Variants in DLG2 observed in about 807,000 individuals in gnomAD.
DLG2 encodes the protein discs large MAGUK scaffold protein 2.
DLG2 carries 45 observed loss-of-function variants against 132.5 expected under a neutral mutation model. The ratio of observed to expected loss-of-function variants is 0.34; its 90% CI spans 0.27 to 0.44. The LOEUF (loss-of-function observed/expected upper bound fraction) is 0.44, where lower values mean the gene tolerates loss of function less well. Among genes scored for constraint, DLG2 ranks in the 20% least tolerant of loss-of-function variants. The probability of loss-of-function intolerance (pLI) is 1.00; values close to 1 mark genes in which losing one functional copy is unlikely to be tolerated. For synonymous variants in DLG2, 424 were observed against 419.6 expected (o/e 1.01, Z -0.13); for missense variants, 1,045 against 1,196.9 (o/e 0.87, Z 1.87).
chr11:84,880,863 A>T (rs1312043181), intron 6 of DLG2, among the ~76,000 whole-genome samples: 1 of 152,144 alleles, frequency 6.6e-6, no homozygotes, highest in African/African-American at 2.4e-5. Flanking sequence ...ACTGTGAAAT[A>T]ATTAATTAAG....
At chr11:83,651,408 G>A (rs2070369868) in intron 18 of DLG2, among the ~76,000 whole-genome samples, 1 of 152,116 alleles carries the variant, frequency 6.6e-6, no homozygotes, top group Non-Finnish European at 1.5e-5. Flanking sequence ...GTCTAGCTTG[G>A]GTGACAGGGT....
At chr11:85,183,526 C>T (rs2079874697) in intron 4 of DLG2, among the ~76,000 whole-genome samples, 1 of 151,876 alleles carries the variant, frequency 6.6e-6, no homozygotes, top group Non-Finnish European at 1.5e-5. Flanking sequence ...GAAATGACAA[C>T]AAAACCATTG....
At chr11:84,557,789 G>A (rs1042623117) in intron 6 of DLG2, among the ~76,000 whole-genome samples, 1 of 151,838 alleles carries the variant, frequency 6.6e-6, no homozygotes, top group Non-Finnish European at 1.5e-5. Context: ...ACTCTTGTTA[G>A]AACATATATA....
At chr11:85,034,377 G>A (rs2061283427) in intron 6 of DLG2, among the ~76,000 whole-genome samples, 1 of 152,094 alleles carries the variant, frequency 6.6e-6, no homozygotes, top group African/African-American at 2.4e-5. Flanking sequence ...ATCTGGCCTA[G>A]ATGTTCTTGG....
intron 6 of DLG2, among the ~76,000 whole-genome samples, chr11:84,872,712 A>G (rs1369711304): frequency 6.6e-6 from 1 of 152,250 alleles, no homozygotes; most frequent in Non-Finnish European, 1.5e-5. Flanking sequence ...AAGGAAAACC[A>G]TAGTCTCACA....
intron 6 of DLG2, among the ~76,000 whole-genome samples, chr11:84,979,406 C>A (rs1294019176): frequency 2.6e-5 from 4 of 152,134 alleles, no homozygotes; most frequent in Non-Finnish European, 5.9e-5. Flanking sequence ...TGGAACCAAC[C>A]CAAATGTCCA....
chr11:84,053,224 C>T lies in DLG2; in HGVS notation c.919+6091G>A, dbSNP rs182030975. Among the ~76,000 whole-genome samples the T allele has an allele frequency of 9.2e-5, 14 of 151,964 alleles. No homozygotes were observed. In the East Asian group the frequency reaches 1.8e-3, roughly 19 times the overall value. ...GTGGCAGCTGAGCAATGAGAATACACGGACACATGGAAGGAAACAACACAC... is the reference window on the plus strand; with the variant it reads ...GTGGCAGCTGAGCAATGAGAATACATGGACACATGGAAGGAAACAACACAC... On this transcript the variant is annotated intron_variant, in intron 11 of 27. Transcript: ENST00000376104.
At chr11:84,395,485 C>T (rs1447252161) in intron 7 of DLG2, among the ~76,000 whole-genome samples, 8 of 152,020 alleles carry the variant, frequency 5.3e-5, no homozygotes, top group Non-Finnish European at 1.2e-4. Context: ...GTTGTGATCT[C>T]GGCTCACTGC....
At chr11:84,276,721 G>A (rs2097786394) in intron 7 of DLG2, among the ~76,000 whole-genome samples, 1 of 152,166 alleles carries the variant, frequency 6.6e-6, no homozygotes, top group Non-Finnish European at 1.5e-5. Flanking sequence ...AACTTAGACT[G>A]CAGACCTCAG....
chr11:84,630,313 T>A (rs1219877310), intron 6 of DLG2, among the ~76,000 whole-genome samples: 1 of 152,132 alleles, frequency 6.6e-6, no homozygotes, highest in African/African-American at 2.4e-5. Flanking sequence ...TTGGGACATT[T>A]CTCCACCCCT....
chr11:84,476,112 A>G (rs1043203994), intron 7 of DLG2, among the ~76,000 whole-genome samples: 11 of 152,258 alleles, frequency 7.2e-5, no homozygotes, highest in South Asian at 4.1e-4. Flanking sequence ...CTCTAAGAAC[A>G]TATGTATTTA....
intron 8 of DLG2, among the ~76,000 whole-genome samples, chr11:84,208,050 C>G (rs1401652328): frequency 6.6e-6 from 1 of 152,150 alleles, no homozygotes; most frequent in Non-Finnish European, 1.5e-5. Flanking sequence ...ATCTATGAAT[C>G]CACCTCTAAC....
At chr11:84,412,531 A>G (rs2098912062) in intron 7 of DLG2, among the ~76,000 whole-genome samples, 1 of 152,218 alleles carries the variant, frequency 6.6e-6, no homozygotes, top group East Asian at 1.9e-4. Flanking sequence ...TGGTAAGGTT[A>G]AGAGATTTGC....
At chr11:83,563,094 C>T (rs1430485530) in intron 19 of DLG2, among the ~76,000 whole-genome samples, 1 of 151,522 alleles carries the variant, frequency 6.6e-6, no homozygotes, top group Non-Finnish European at 1.5e-5. Flanking sequence ...CCTGCCTCAG[C>T]CTCCCAAGTA....
intron 9 of DLG2, among the ~76,000 whole-genome samples, chr11:84,157,471 C>T (rs765772522): frequency 6.6e-6 from 1 of 152,118 alleles, no homozygotes; most frequent in Admixed American, 6.6e-5. Context: ...CATTCTATTG[C>T]CCAGACTGGA....
At chr11:84,725,507 C>T (rs1371810243) in intron 6 of DLG2, among the ~76,000 whole-genome samples, 1 of 152,084 alleles carries the variant, frequency 6.6e-6, no homozygotes, top group African/African-American at 2.4e-5. Flanking sequence ...TTTCCTGAAA[C>T]ATGTAAGGCA....
Position 85,285,225 on chromosome 11 carries a change from A to T in DLG2, c.181T>A (p.Ser61Thr), listed in dbSNP as rs2078483062. 1 of 1,611,086 alleles carries T rather than the reference A, an allele frequency of 6.2e-7. No homozygotes were observed. The highest frequency in any genetic ancestry group is 8.5e-7 in the Non-Finnish European group (1 of 1,178,194). Residue 61 changes from serine (S) to threonine (T), a missense_variant, in exon 4 of 28, where the codon TCA becomes ACA. Ser to Thr is a moderately conservative substitution (Grantham distance 58). Around this residue, in one of 4 missense-constraint regions of DLG2, gnomAD observed 277 missense variants for 238.2 expected, o/e 1.16. Coordinates refer to ENST00000376104, the MANE Select transcript of DLG2 (RefSeq NM_001142699.3). ...TGGAAGTTTCAGTAGTATACCTCTG[A>T]AGATTTTTGAAGTCTGTCATGGCAC... ...APCHDRLQKS[S>T]ELTDCSGSKE...
intron 3 of DLG2, among the ~76,000 whole-genome samples, chr11:85,312,744 T>A (rs2080395929): frequency 6.6e-6 from 1 of 151,934 alleles, no homozygotes; most frequent in Non-Finnish European, 1.5e-5. Context: ...TCACTCAAGA[T>A]CTTGTGAAAG....
At chr11:83,939,475 AGAAAG>A (rs1417264184) in intron 14 of DLG2, among the ~76,000 whole-genome samples, 2 of 152,366 alleles carry the variant, frequency 1.3e-5, no homozygotes, top group East Asian at 3.9e-4. Context: ...ATAACAAAAG[AGAAAG>A]GAAAGTGTGA....
Sources: allele counts gnomAD v4.1 joint callset (sites outside exome capture counted in the v4.1 genomes callset), GRCh38; gene constraint gnomAD v4.1.1; regional missense constraint gnomAD v4.1.1; transcripts MANE v1.5; gene names NCBI Gene and HGNC (gene_info 2026-07-23, HGNC 2026-07-21).